CSMD1: variants seen among roughly 807,000 people sequenced by gnomAD.
CSMD1 encodes the protein CUB and sushi domain-containing protein 1.
CSMD1 carries 213 observed loss-of-function variants against 417.5 expected under a neutral mutation model. The ratio of observed to expected loss-of-function variants is 0.51; its 90% CI spans 0.46 to 0.57. The LOEUF (loss-of-function observed/expected upper bound fraction) is 0.57, where lower values mean the gene tolerates loss of function less well. CSMD1 is among the 20% of genes least tolerant of loss of function. The pLI is 0.00. For missense variants in CSMD1, 6,923 were observed against 4,529.7 expected (o/e 1.53, Z -15.17); for synonymous variants, 2,862 against 1,736.8 (o/e 1.65, Z -16.11).
At chr8:4,670,553 G>C (rs528789502) in intron 1 of CSMD1, among the ~76,000 whole-genome samples, 1 of 152,040 alleles carries the variant, frequency 6.6e-6, no homozygotes, top group Admixed American at 6.6e-5. Flanking sequence ...TATTCTGATC[G>C]TTACCCTTAA....
intron 3 of CSMD1, among the ~76,000 whole-genome samples, chr8:4,394,872 C>A (rs1804093739): frequency 6.6e-6 from 1 of 152,166 alleles, no homozygotes; most frequent in African/African-American, 2.4e-5. Context: ...TCCGATACAA[C>A]CTTGTCTACA....
At position 4,834,182 on chromosome 8, in the gene CSMD1, T is replaced by G. The variant is rs79970039; in HGVS notation, c.85+160150A>C. 7.7e-3 allele frequency among the ~76,000 whole-genome samples: 1,168 copies of G among 152,328 alleles called. 12 individuals are homozygous for G. Among genetic ancestry groups the G allele is most frequent in the African/African-American group, 0.027 (1,139 of 41,576 alleles). On this transcript the variant is annotated intron_variant, in intron 1 of 69. Coordinates refer to ENST00000635120, the MANE Select transcript of CSMD1 (RefSeq NM_033225.6). ...AAACAAGGATGTGTTATGTCAGGTT[T>G]AAATCTGTAATTTTAGAAGACAATA...
chr8:3,576,730 T>C (rs1038043582), intron 9 of CSMD1, among the ~76,000 whole-genome samples: 2 of 152,200 alleles, frequency 1.3e-5, no homozygotes, highest in Admixed American at 1.3e-4. Flanking sequence ...TATACACTAA[T>C]ATCTCACTCT....
At chr8:3,051,127 A>G (rs1332664975) in intron 50 of CSMD1, among the ~76,000 whole-genome samples, 1 of 152,208 alleles carries the variant, frequency 6.6e-6, no homozygotes, top group Non-Finnish European at 1.5e-5. Context: ...AAATTGTTCT[A>G]CCATAAAGAC....
intron 3 of CSMD1, among the ~76,000 whole-genome samples, chr8:4,273,770 C>G (rs905264214): frequency 2.2e-4 from 33 of 152,214 alleles, no homozygotes; most frequent in African/African-American, 7.5e-4. Flanking sequence ...ATGATTTAGC[C>G]TCTGTAAGCT....
At chr8:4,502,011 T>C (rs1341713531) in intron 2 of CSMD1, among the ~76,000 whole-genome samples, 1 of 152,148 alleles carries the variant, frequency 6.6e-6, no homozygotes, top group Non-Finnish European at 1.5e-5. Context: ...ACTCAGGCTC[T>C]AACCTTTGCA....
intron 57 of CSMD1, among the ~76,000 whole-genome samples, chr8:2,972,880 C>A (rs138512696): frequency 8.5e-5 from 13 of 152,216 alleles, no homozygotes; most frequent in African/African-American, 2.6e-4. Flanking sequence ...TAGAAGCTTC[C>A]GTGTTACGAA....
At chr8:3,553,510 CA>C (rs1349084579) in intron 10 of CSMD1, among the ~76,000 whole-genome samples, 2 of 152,146 alleles carry the variant, frequency 1.3e-5, no homozygotes, top group Non-Finnish European at 2.9e-5. Context: ...TCAAATCAAC[CA>C]TACTGTAGAA....
intron 3 of CSMD1, among the ~76,000 whole-genome samples, chr8:4,249,049 T>G (rs1457236596): frequency 6.6e-6 from 1 of 152,176 alleles, no homozygotes; most frequent in African/African-American, 2.4e-5. Context: ...ACTCAATGAA[T>G]TTACTATTAA....
rs532179053 is a variant in CSMD1, at chr8:4,592,871, T to C, written c.302+44471A>G. The stretch of plus-strand genomic sequence containing the variant: ...AATGAATTTCCATATTTATTGATTT[T>C]TTCATTTGCTCCCAAATTCTATGTT... On this transcript the variant is annotated intron_variant, in intron 2 of 69. Transcript: ENST00000635120. Among the ~76,000 whole-genome samples the C allele has an allele frequency of 7.2e-5, 11 of 152,324 alleles. No individual in the cohort carries two copies. In the South Asian group the frequency reaches 2.3e-3, roughly 32 times the overall value.
chr8:4,154,377 T>C (rs967497434), intron 3 of CSMD1, among the ~76,000 whole-genome samples: 1 of 152,242 alleles, frequency 6.6e-6, no homozygotes, highest in African/African-American at 2.4e-5. Flanking sequence ...TTGTGACATA[T>C]ATCTCTAATC....
At chr8:3,881,302 T>A in intron 5 of CSMD1, among the ~76,000 whole-genome samples, 1 of 150,904 alleles carries the variant, frequency 6.6e-6, no homozygotes. Context: ...ATTCTAATAT[T>A]TCCATTGAAG....
At chr8:4,765,521 A>T (rs2117119188) in intron 1 of CSMD1, among the ~76,000 whole-genome samples, 1 of 152,356 alleles carries the variant, frequency 6.6e-6, no homozygotes, top group South Asian at 2.1e-4. Flanking sequence ...GCTGGGAAGG[A>T]AATGGAAGGC....
chr8:4,765,707 C>T (rs1415242895), intron 1 of CSMD1, among the ~76,000 whole-genome samples: 3 of 152,132 alleles, frequency 2.0e-5, no homozygotes, highest in Non-Finnish European at 4.4e-5. Flanking sequence ...TCAGATTGTG[C>T]CCAATTGGGC....
At chr8:4,925,871 A>C (rs955426312) in intron 1 of CSMD1, among the ~76,000 whole-genome samples, 8 of 152,160 alleles carry the variant, frequency 5.3e-5, no homozygotes, top group Non-Finnish European at 1.2e-4. Context: ...TGTAATTGTG[A>C]AATGGCATTC....
chr8:3,184,097 C>G (rs1013374230), intron 36 of CSMD1, among the ~76,000 whole-genome samples: 1 of 152,180 alleles, frequency 6.6e-6, no homozygotes, highest in Non-Finnish European at 1.5e-5. Flanking sequence ...GATCTGACTG[C>G]TGCTTGCTTT....
In CSMD1 at chr8:4,005,260, C is replaced by T. The variant is rs373989529; in HGVS notation, c.611-7150G>A. Among the ~76,000 whole-genome samples the T allele has an allele frequency of 7.3e-5, 11 of 150,330 alleles. No individual in the cohort carries two copies. The East Asian group carries it at 2.0e-3, about 27-fold the overall frequency. ...AGAACTTACTTATGTAACCAAACACCATCTACACCCCAATAACTTATAGAA... is the reference window on the plus strand; with the variant it reads ...AGAACTTACTTATGTAACCAAACACTATCTACACCCCAATAACTTATAGAA... On this transcript the variant is annotated intron_variant, in intron 4 of 69. Coordinates refer to ENST00000635120, the MANE Select transcript of CSMD1 (RefSeq NM_033225.6).
intron 12 of CSMD1, among the ~76,000 whole-genome samples, chr8:3,446,316 A>T (rs1269718079): frequency 1.3e-5 from 2 of 152,186 alleles, no homozygotes; most frequent in African/African-American, 2.4e-5. Context: ...TTTTCAGATC[A>T]TTTTCCATCA....
At chr8:4,423,161 A>T (rs1797345918) in intron 2 of CSMD1, among the ~76,000 whole-genome samples, 1 of 152,130 alleles carries the variant, frequency 6.6e-6, no homozygotes, top group South Asian at 2.1e-4. Context: ...GAACAAGTCA[A>T]GAATGCTTTG....
Sources: allele counts gnomAD v4.1 joint callset (sites outside exome capture counted in the v4.1 genomes callset), GRCh38; gene constraint gnomAD v4.1.1; transcripts MANE v1.5; gene names NCBI Gene and HGNC (gene_info 2026-07-23, HGNC 2026-07-21).